BPHL: variants seen among roughly 807,000 people sequenced by gnomAD.
BPHL encodes serine hydrolase BPHL.
Under a neutral mutation model 31.2 loss-of-function variants are expected in BPHL, and 27 were observed. The ratio of observed to expected loss-of-function variants is 0.87; its 90% confidence interval spans 0.64 to 1.19. The LOEUF (loss-of-function observed/expected upper bound fraction) is 1.19. Ranked by LOEUF, BPHL falls within the 50% of genes most tolerant of loss-of-function variation. BPHL has a pLI of 0.00. For synonymous variants in BPHL, 150 were observed against 146.8 expected, an observed-to-expected ratio of 1.02 and a Z score of -0.16; for missense variants, 356 against 375.7, an observed-to-expected ratio of 0.95 and a Z score of 0.43.
Position 3,152,609 on chromosome 6 carries a change from G to A in BPHL, c.*34G>A, listed in dbSNP as rs757673870. The A allele has an allele frequency of 3.8e-6, 6 of 1,588,288 alleles. No homozygotes were observed. The Admixed American group carries it at 5.2e-5, about 14-fold the overall frequency. On this transcript the variant is annotated 3_prime_UTR_variant, in exon 7 of 7. Coordinates refer to ENST00000380379, the MANE Select transcript of BPHL (RefSeq NM_004332.4). ...ACTCCAGTCTTGGTGGTTCCTTCGT[G>A]TGGGGCTTGATCGTGTTGCTGCCTG...
chr6:3,120,837 C>A (rs1238491775), intron 1 of BPHL, among the ~76,000 whole-genome samples: 1 of 152,234 alleles, frequency 6.6e-6, no homozygotes, highest in African/African-American at 2.4e-5. Context: ...GCCAGAGAAT[C>A]AGAGACTGTC....
At chr6:3,133,670 A>T (rs1339659439) in intron 4 of BPHL, among the ~76,000 whole-genome samples, 1 of 151,628 alleles carries the variant, frequency 6.6e-6, no homozygotes, top group Non-Finnish European at 1.5e-5. Flanking sequence ...TTGTTTGCTG[A>T]CTTCTCTTCT....
intron 6 of BPHL, among the ~76,000 whole-genome samples, chr6:3,141,871 A>G (rs1228693800): frequency 6.6e-6 from 1 of 151,778 alleles, no homozygotes; most frequent in Non-Finnish European, 1.5e-5. Flanking sequence ...CTACTCAGGA[A>G]GCTGAGTCAG....
chr6:3,149,138 T>C lies in BPHL; in HGVS notation c.789-3350T>C, dbSNP rs1235973134. ...CTGTCCGCATTTTCCAGATGAGGAA[T>C]TGTGACTCAGGGAGATGGATGTAGC... On this transcript the variant is annotated intron_variant, in intron 6 of 6. Transcript: ENST00000380379. The surrounding 1 kb of genome is among the most constrained non-coding windows in gnomAD (Gnocchi z 4.6). Among the ~76,000 whole-genome samples, 1 of 152,200 alleles carries C rather than the reference T, an allele frequency of 6.6e-6. No homozygotes were observed. The highest frequency in any genetic ancestry group is 1.5e-5 in the Non-Finnish European group (1 of 68,032).
intron 4 of BPHL, among the ~76,000 whole-genome samples, chr6:3,136,491 G>A (rs1762020281): frequency 6.6e-6 from 1 of 152,202 alleles, no homozygotes; most frequent in Admixed American, 6.5e-5. Flanking sequence ...CTCCTCAGAA[G>A]GCAGTTGTGA....
chr6:3,128,961 A>G (rs1761789943), intron 3 of BPHL, 84 bp from the exon 4 acceptor site: 1 of 1,581,814 alleles, frequency 6.3e-7, no homozygotes, highest in Non-Finnish European at 8.7e-7. Flanking sequence ...TCACACCTGT[A>G]TTGATTCTGA....
At chr6:3,146,760 CA>C (rs1561801599) in intron 6 of BPHL, among the ~76,000 whole-genome samples, 5 of 22,552 alleles carry the variant, frequency 2.2e-4, no homozygotes, top group African/African-American at 1.7e-4. Context: ...TGGTTTGGGT[CA>C]GAGTGCTGGT....
At chr6:3,123,548 G>T in intron 1 of BPHL, 109 bp from the exon 2 acceptor site, 2 of 816,238 alleles carry the variant, frequency 2.5e-6, no homozygotes, top group South Asian at 1.7e-5. Context: ...ATCCTACAGC[G>T]CGTAGAACAC....
intron 1 of BPHL, among the ~76,000 whole-genome samples, chr6:3,123,123 A>G (rs777877854): frequency 6.6e-6 from 1 of 152,252 alleles, no homozygotes; most frequent in Non-Finnish European, 1.5e-5. Flanking sequence ...GGCTGGGCAC[A>G]ATAGCGTATT....
At chr6:3,146,981 A>G (rs1235860033) in intron 6 of BPHL, among the ~76,000 whole-genome samples, 1 of 152,236 alleles carries the variant, frequency 6.6e-6, no homozygotes, top group African/African-American at 2.4e-5. Context: ...GAGCATGACA[A>G]TACCTATCAT....
intron 6 of BPHL, among the ~76,000 whole-genome samples, chr6:3,141,462 G>C (rs900502224): frequency 6.6e-6 from 1 of 152,182 alleles, no homozygotes; most frequent in East Asian, 1.9e-4. Flanking sequence ...CCGCCTCCCA[G>C]GTTCAAGCGA....
At chr6:3,130,825 C>G (rs1004835701) in intron 4 of BPHL, among the ~76,000 whole-genome samples, 6 of 152,106 alleles carry the variant, frequency 3.9e-5, no homozygotes, top group Non-Finnish European at 8.8e-5. Context: ...AATTGTAGTT[C>G]TTCACAGTCT....
chr6:3,135,156 G>A (rs916789268), intron 4 of BPHL, among the ~76,000 whole-genome samples: 1 of 152,204 alleles, frequency 6.6e-6, no homozygotes, highest in African/African-American at 2.4e-5. Context: ...CCTTCTAAAA[G>A]CATTTATCTT....
chr6:3,119,141 C>G (rs1176888157), intron 1 of BPHL: 3 of 771,720 alleles, frequency 3.9e-6, no homozygotes, highest in Non-Finnish European at 6.3e-6. Flanking sequence ...CCAGAGAGAC[C>G]CAGGGAGATA....
At chr6:3,123,197 T>G (rs1761621561) in intron 1 of BPHL, among the ~76,000 whole-genome samples, 1 of 152,186 alleles carries the variant, frequency 6.6e-6, no homozygotes, top group East Asian at 1.9e-4. Flanking sequence ...ATGTCACTGT[T>G]CAGAATTGGA....
rs535766518 is a variant in BPHL at position 3,149,433 on chromosome 6, G to A, written c.789-3055G>A. On this transcript the variant is annotated intron_variant, in intron 6 of 6. Coordinates refer to ENST00000380379, the MANE Select transcript of BPHL (RefSeq NM_004332.4). This position sits in a 1 kb window ranked among gnomAD's most constrained non-coding sequence, Gnocchi z 4.6. ...CCACACTGCCCAGAAAGTAGCCTCC[G>A]GGGCAGTTTTGCTTCTAATGCTTGT... Among the ~76,000 whole-genome samples, 11 of 152,222 alleles carry A rather than the reference G, an allele frequency of 7.2e-5. No individual in the cohort carries two copies. In the East Asian group the frequency reaches 1.7e-3, roughly 24 times the overall value.
chr6:3,119,332 G>A, intron 1 of BPHL: 1 of 1,553,382 alleles, frequency 6.4e-7, no homozygotes, highest in African/African-American at 1.4e-5. Flanking sequence ...CACGGGTCCC[G>A]AGAGCCCTAA....
rs1336847705 is a variant in BPHL, at chr6:3,140,414, G to A, written c.693G>A (p.Arg231=). 1 of 1,613,974 alleles carries A rather than the reference G, an allele frequency of 6.2e-7. No individual in the cohort carries two copies. The highest frequency in any genetic ancestry group is 1.3e-5 in the African/African-American group (1 of 74,876). Residue 231 remains arginine (R), a synonymous_variant, in exon 6 of 7, where the codon CGG becomes CGA. Coordinates refer to ENST00000380379, the MANE Select transcript of BPHL (RefSeq NM_004332.4). This position sits in a 1 kb window ranked among gnomAD's most constrained non-coding sequence, Gnocchi z 5.2. ...DGNICRHLLP[R]VQCPALIVHG... is the part of the protein sequence containing the mutation. ...ACATCTGCCGGCACCTGCTGCCCCG[G>A]GTCCAGTGCCCCGCCTTGATTGTGC...
chr6:3,144,593 T>G (rs978012477), intron 6 of BPHL, among the ~76,000 whole-genome samples: 1 of 151,814 alleles, frequency 6.6e-6, no homozygotes, highest in Non-Finnish European at 1.5e-5. Flanking sequence ...GGCCTTGCCG[T>G]GTTGTCCAGG....
Sources: allele counts gnomAD v4.1 joint callset (sites outside exome capture counted in the v4.1 genomes callset), GRCh38; gene constraint gnomAD v4.1.1; non-coding constraint Gnocchi (gnomAD v3.1); transcripts MANE v1.5; gene names NCBI Gene and HGNC (gene_info 2026-07-23, HGNC 2026-07-21).